Variants in PDZRN3 observed in about 807,000 individuals in gnomAD.
PDZRN3 encodes the protein E3 ubiquitin-protein ligase PDZRN3.
Under a neutral mutation model 85.7 loss-of-function variants are expected in PDZRN3, and 38 were observed. That is an observed-to-expected ratio of 0.44 (90% confidence interval 0.34 to 0.58). PDZRN3 has a LOEUF of 0.58. PDZRN3 is among the 20% of genes least tolerant of loss of function. The probability of loss-of-function intolerance (pLI) is 0.01; values close to 1 mark genes in which losing one functional copy is unlikely to be tolerated. For synonymous variants in PDZRN3, 759 were observed against 638.0 expected, an observed-to-expected ratio of 1.19 and a Z score of -2.86; for missense variants, 1,629 against 1,506.4, an observed-to-expected ratio of 1.08 and a Z score of -1.35.
intron 3 of PDZRN3, among the ~76,000 whole-genome samples, chr3:73,513,051 G>A (rs976769559): frequency 1.3e-5 from 2 of 152,158 alleles, no homozygotes; most frequent in African/African-American, 4.8e-5. Context: ...GTTCCCAGGT[G>A]CTGAGATAGG....
chr3:73,573,776 T>C (rs1051057604), intron 3 of PDZRN3, among the ~76,000 whole-genome samples: 14 of 145,606 alleles, frequency 9.6e-5, no homozygotes, highest in Non-Finnish European at 1.8e-4. Context: ...CATACACACA[T>C]ATACATATAC....
chr3:73,407,066 C>T (rs965681673), intron 3 of PDZRN3, among the ~76,000 whole-genome samples: 1 of 152,140 alleles, frequency 6.6e-6, no homozygotes, highest in African/African-American at 2.4e-5. Context: ...GATGGGCTCC[C>T]GCCTATCATG....
chr3:73,473,804 C>T (rs1416928561), intron 3 of PDZRN3, among the ~76,000 whole-genome samples: 1 of 152,028 alleles, frequency 6.6e-6, no homozygotes, highest in Non-Finnish European at 1.5e-5. Flanking sequence ...ATCCTCTGGC[C>T]CCAGTCAAGC....
intron 3 of PDZRN3, among the ~76,000 whole-genome samples, chr3:73,601,470 G>T (rs1030420569): frequency 6.6e-6 from 1 of 152,146 alleles, no homozygotes. Flanking sequence ...ATTTCTTGTG[G>T]GGTCTGGCAT....
At chr3:73,477,438 C>G (rs1198228189) in intron 3 of PDZRN3, among the ~76,000 whole-genome samples, 1 of 152,164 alleles carries the variant, frequency 6.6e-6, no homozygotes, top group African/African-American at 2.4e-5. Context: ...AAAAGTGAGA[C>G]AGATAATTCC....
chr3:73,452,274 G>A (rs1029435137), intron 3 of PDZRN3, among the ~76,000 whole-genome samples: 4 of 152,038 alleles, frequency 2.6e-5, no homozygotes, highest in Admixed American at 6.6e-5. Flanking sequence ...TTAGTAGCAC[G>A]GTCTCAAATA....
chr3:73,511,429 C>CTGGG (rs1156603443), intron 3 of PDZRN3, among the ~76,000 whole-genome samples: 1 of 152,170 alleles, frequency 6.6e-6, no homozygotes, highest in Non-Finnish European at 1.5e-5. Context: ...TCCTCTAGAG[C>CTGGG]TGGGTTTCCA....
chr3:73,390,641 G>GTT (rs1467510231), intron 6 of PDZRN3, among the ~76,000 whole-genome samples: 17 of 117,148 alleles, frequency 1.5e-4, no homozygotes, highest in African/African-American at 5.4e-4. Flanking sequence ...AAAAATGTGT[G>GTT]TGTGTGTGTG....
In PDZRN3 at chr3:73,384,574, C is replaced by G; in HGVS notation, c.1992G>C (p.Leu664=). 1 of 1,613,714 alleles carries G rather than the reference C, an allele frequency of 6.2e-7. No homozygotes were observed. The change falls in exon 10 of 10, where the codon CTG becomes CTC. Residue 664 remains leucine, a synonymous_variant. Coordinates refer to ENST00000263666, the MANE Select transcript of PDZRN3 (RefSeq NM_015009.3). ...CGTCCAGGGGGCCGCTAGGGTAGTA[C>G]AGGCCGTAAGGGGTGGCGCTCTTCA... ...CQVKSATPYG[L]YYPSGPLDAG...
At position 73,491,252 on chromosome 3, in the gene PDZRN3, GT is replaced by G. The variant is rs543866057; in HGVS notation, c.919-86858del. Among the ~76,000 whole-genome samples, 3 of 152,166 alleles carry G rather than the reference GT, an allele frequency of 2.0e-5. No homozygotes were observed. The South Asian group carries it at 6.2e-4, about 31-fold the overall frequency. ...CATGTCATTCCCTACTTCAGGGAGT[GT>G]ACTAAGATTAGCCTATAAATGACTC... On this transcript the variant is annotated intron_variant, in intron 3 of 9. Transcript: ENST00000263666.
chr3:73,480,659 A>G (rs1012030031), intron 3 of PDZRN3, among the ~76,000 whole-genome samples: 2 of 152,088 alleles, frequency 1.3e-5, no homozygotes, highest in African/African-American at 4.8e-5. Flanking sequence ...CAGGGTTGAT[A>G]TTTCCACTTC....
intron 3 of PDZRN3, among the ~76,000 whole-genome samples, chr3:73,501,049 C>A (rs1429068024): frequency 9.2e-5 from 14 of 152,202 alleles, no homozygotes. Context: ...TCTTTCCCTA[C>A]CAATGTCCGT....
At chr3:73,408,409 A>G (rs1488128) in intron 3 of PDZRN3, 396,167 of 576,584 alleles carry the variant, frequency 0.69, 138,133 homozygotes, top group East Asian at 0.87. Context: ...ACATTTTCCC[A>G]GGAGGAAACA....
At position 73,386,226 on chromosome 3, in the gene PDZRN3, C is replaced by CTTTTT. The variant is rs71126867; in HGVS notation, c.1519-446_1519-442dup. ...GCTGTTTGGCTTGGGCAAGATATCA[C>CTTTTT]TTTTTTTTTTTTTTTTTTTGAGACA... On this transcript the variant is annotated intron_variant, in intron 8 of 9. Transcript: ENST00000263666. 4.7e-4 allele frequency among the ~76,000 whole-genome samples: 43 copies of CTTTTT among 90,706 alleles called. 6 individuals carry two copies. The highest frequency in any genetic ancestry group is 8.4e-4 in the East Asian group (2 of 2,370). The allele number at this position is 90,706 out of a possible 152,430, so 59.5% of individuals were successfully genotyped here. A position where few individuals can be genotyped will look rare whatever the true frequency, so the allele number is the denominator to read the frequency against.
intron 3 of PDZRN3, among the ~76,000 whole-genome samples, chr3:73,475,068 A>C (rs1703422045): frequency 6.6e-6 from 1 of 152,188 alleles, no homozygotes; most frequent in Non-Finnish European, 1.5e-5. Context: ...TGAGTATCCA[A>C]GCATCTTCTT....
rs566269000 is a variant in PDZRN3, at chr3:73,599,097, T to C, written c.918+3257A>G. 2.7e-4 allele frequency among the ~76,000 whole-genome samples: 41 copies of C among 152,326 alleles called. 1 individual carries two copies. The highest frequency in any genetic ancestry group is 5.2e-4 in the Admixed American group (8 of 15,306). On this transcript the variant is annotated intron_variant, in intron 3 of 9. Transcript: ENST00000263666. ...AGCATAGACCTAGCTCTGTTTTACATATAAACACAACAGAGTTTTTGGCAG... is the reference window on the plus strand; with the variant it reads ...AGCATAGACCTAGCTCTGTTTTACACATAAACACAACAGAGTTTTTGGCAG...
intron 3 of PDZRN3, among the ~76,000 whole-genome samples, chr3:73,429,971 C>CCCCACAA (rs1396863170): frequency 1.3e-5 from 2 of 152,048 alleles, no homozygotes; most frequent in Non-Finnish European, 1.5e-5. Context: ...TTTATGTTAG[C>CCCCACAA]CCCACAAAGG....
chr3:73,451,931 C>A (rs942922788), intron 3 of PDZRN3, among the ~76,000 whole-genome samples: 10 of 152,162 alleles, frequency 6.6e-5, no homozygotes, highest in Non-Finnish European at 1.5e-5. Flanking sequence ...GAAGTCAGTT[C>A]TCCTAAGGAA....
chr3:73,513,636 A>C (rs1330933042), intron 3 of PDZRN3, among the ~76,000 whole-genome samples: 1 of 152,186 alleles, frequency 6.6e-6, no homozygotes, highest in Non-Finnish European at 1.5e-5. Flanking sequence ...GCCTCAAACC[A>C]AGAATTTAAC....
Sources: allele counts gnomAD v4.1 joint callset (sites outside exome capture counted in the v4.1 genomes callset), GRCh38; gene constraint gnomAD v4.1.1; transcripts MANE v1.5; gene names NCBI Gene and HGNC (gene_info 2026-07-23, HGNC 2026-07-21).